Variants in GAPT observed in about 807,000 individuals in gnomAD.
GAPT encodes GRB2 binding adaptor protein, transmembrane.
For synonymous variants in GAPT, 82 were observed against 69.7 expected (o/e 1.18, Z -0.88); for missense variants, 206 against 189.2 (o/e 1.09, Z -0.52).
Position 58,495,024 on chromosome 5 carries a change from T to C in GAPT, c.*14T>C. The C allele has an allele frequency of 6.7e-7, 1 of 1,499,486 alleles. No individual in the cohort carries two copies. Among genetic ancestry groups the C allele is most frequent in the Non-Finnish European group, 9.2e-7 (1 of 1,092,042 alleles). The allele number at this position is 1,499,486 out of a possible 1,614,324, so 92.9% of individuals were successfully genotyped here. On this transcript the variant is annotated 3_prime_UTR_variant, in exon 3 of 3. Coordinates refer to ENST00000502276, the MANE Select transcript of GAPT (RefSeq NM_001304431.2). The stretch of plus-strand genomic sequence containing the variant: ...GATTCATATTAGCTTTTCAAAATAT[T>C]GACTTTTGTTATTGGATGATAAATA...
Position 58,491,780 on chromosome 5 carries a change from C to G in GAPT, c.-419+239C>G, listed in dbSNP as rs184482928. Among the ~76,000 whole-genome samples, 362 of 152,166 alleles carry G rather than the reference C, an allele frequency of 2.4e-3. 1 individual carries two copies. The highest frequency in any genetic ancestry group is 8.0e-3 in the African/African-American group (332 of 41,510). On this transcript the variant is annotated intron_variant, in intron 1 of 2. Coordinates refer to ENST00000502276, the MANE Select transcript of GAPT (RefSeq NM_001304431.2). ...CAGGGCATTCTCTTACTTGAAAATT[C>G]CTGAAGTTTCTCAACAATTTGCGAT...
At position 58,495,951 on chromosome 5, in the gene GAPT, A is replaced by G. The variant is rs1744436834; in HGVS notation, c.*941A>G. ...CCAGTGACTTCTCTTACTATCTCTC[A>G]TTTCTTTGCCTTCAGCAGAATCATC... On this transcript the variant is annotated 3_prime_UTR_variant, in exon 3 of 3. Coordinates refer to ENST00000502276, the MANE Select transcript of GAPT (RefSeq NM_001304431.2). 6.0e-6 allele frequency: 1 copy of G among 166,946 alleles called. No homozygotes were observed. Among genetic ancestry groups the G allele is most frequent in the South Asian group, 2.1e-4 (1 of 4,834 alleles). 10.3% of individuals were successfully genotyped at this position (166,946 alleles called of 1,614,324 possible).
At position 58,496,693 on chromosome 5, in the gene GAPT, T is replaced by A. The variant is rs555984990; in HGVS notation, c.*1683T>A. The A allele has an allele frequency of 1.2e-5, 2 of 167,222 alleles. No individual in the cohort carries two copies. Among genetic ancestry groups the A allele is most frequent in the African/African-American group, 4.8e-5 (2 of 41,580 alleles). The allele number at this position is 167,222 out of a possible 1,614,324, so 10.4% of individuals were successfully genotyped here. On this transcript the variant is annotated 3_prime_UTR_variant, in exon 3 of 3. Transcript: ENST00000502276. ...GCAGTAGGAGGCAACAGGGAATTGC[T>A]CCTGCCTATTCTTTCTGTTGCCCCC... is the stretch of plus-strand genomic sequence containing the variant.
chr5:58,494,816 G>C lies in GAPT; in HGVS notation c.280G>C (p.Glu94Gln), dbSNP rs1253037260. The part of the protein sequence containing the change: ...VRGNNTHDNY[E>Q]NVEAGPPKAK... ...GGGAAATAACACACACGACAACTATGAAAATGTGGAAGCAGGTCCTCCCAA... is the reference window on the plus strand; with the variant it reads ...GGGAAATAACACACACGACAACTATCAAAATGTGGAAGCAGGTCCTCCCAA... Residue 94 changes from glutamate (E) to glutamine (Q), a missense_variant, in exon 3 of 3, where the codon GAA becomes CAA. Physicochemically the swap from Glu to Gln is conservative, Grantham distance 29. Coordinates refer to ENST00000502276, the MANE Select transcript of GAPT (RefSeq NM_001304431.2). The C allele has an allele frequency of 2.5e-6, 4 of 1,613,898 alleles. No homozygotes were observed. Among genetic ancestry groups the C allele is most frequent in the Non-Finnish European group, 3.4e-6 (4 of 1,179,992 alleles).
intron 1 of GAPT, among the ~76,000 whole-genome samples, chr5:58,492,704 A>C (rs1025387868): frequency 3.3e-5 from 5 of 152,156 alleles, no homozygotes; most frequent in African/African-American, 1.2e-4. Flanking sequence ...ACCTTGGACA[A>C]ATTTATGAAC....
chr5:58,496,792 C>G lies in GAPT; in HGVS notation c.*1782C>G, dbSNP rs1170195309. The stretch of plus-strand genomic sequence containing the variant: ...CAGCTTTCTAGTTTCTTCCATCATT[C>G]CCAGGACCAGCTTCTCTGCAACCTG... On this transcript the variant is annotated 3_prime_UTR_variant, in exon 3 of 3. Transcript: ENST00000502276. The G allele has an allele frequency of 6.0e-6, 1 of 167,384 alleles. No individual in the cohort carries two copies. The highest frequency in any genetic ancestry group is 1.5e-5 in the Non-Finnish European group (1 of 68,358). The allele number at this position is 167,384 out of a possible 1,614,324, so 10.4% of individuals were successfully genotyped here.
At chr5:58,493,292 T>C (rs1744319667) in intron 1 of GAPT, among the ~76,000 whole-genome samples, 1 of 152,182 alleles carries the variant, frequency 6.6e-6, no homozygotes, top group African/African-American at 2.4e-5. Context: ...AGTAATAATG[T>C]TTTGTTGATA....
chr5:58,495,605 A>G lies in GAPT; in HGVS notation c.*595A>G, dbSNP rs1561229526. The G allele has an allele frequency of 6.1e-6, 1 of 164,074 alleles. No homozygotes were observed. Among genetic ancestry groups the G allele is most frequent in the Non-Finnish European group, 1.5e-5 (1 of 68,274 alleles). 10.2% of individuals were successfully genotyped at this position (164,074 alleles called of 1,614,324 possible). A position where few individuals can be genotyped will look rare whatever the true frequency, so the allele number is the denominator to read the frequency against. The stretch of plus-strand genomic sequence containing the variant: ...TAGATATCTTCTCCACCCTCCTTGC[A>G]CCAGACTAAATCTGTATTATGTGAT... On this transcript the variant is annotated 3_prime_UTR_variant, in exon 3 of 3. Coordinates refer to ENST00000502276, the MANE Select transcript of GAPT (RefSeq NM_001304431.2).
rs1235380231 is a variant in GAPT, at chr5:58,494,843, G to A, written c.307G>A (p.Ala103Thr). 3 of 1,613,852 alleles carry A rather than the reference G, an allele frequency of 1.9e-6. No individual in the cohort carries two copies. The highest frequency in any genetic ancestry group is 3.3e-5 in the Admixed American group (2 of 59,948). ...AAATGTGGAAGCAGGTCCTCCCAAAGCTAAAGGAAAAACCGATAAGGAACT... is the reference window on the plus strand; with the variant it reads ...AAATGTGGAAGCAGGTCCTCCCAAAACTAAAGGAAAAACCGATAAGGAACT... ...YENVEAGPPKAKGKTDKELYE... is the reference protein window; with the variant it reads ...YENVEAGPPKTKGKTDKELYE... Residue 103 changes from alanine to threonine, a missense_variant, in exon 3 of 3, where the codon GCT (alanine) becomes ACT (threonine). Ala to Thr is a moderately conservative substitution (Grantham distance 58). Coordinates refer to ENST00000502276, the MANE Select transcript of GAPT (RefSeq NM_001304431.2).
Position 58,495,311 on chromosome 5 carries a change from A to G in GAPT, c.*301A>G. The G allele has an allele frequency of 3.3e-6, 1 of 303,472 alleles. No individual in the cohort carries two copies. The highest frequency in any genetic ancestry group is 6.1e-6 in the Non-Finnish European group (1 of 163,038). The allele number at this position is 303,472 out of a possible 1,614,324, so 18.8% of individuals were successfully genotyped here. On this transcript the variant is annotated 3_prime_UTR_variant, in exon 3 of 3. Transcript: ENST00000502276. ...TTGAGGGAGGACAGTGGAAGGAGGG[A>G]GAGGTTCAGGGAAAAAAAAAATATC...
chr5:58,495,050 T>G lies in GAPT; in HGVS notation c.*40T>G. Reference sequence around the variant, plus strand: ...GACTTTTGTTATTGGATGATAAATATTCACTGTAATTTTTCAACAGCAAAG... The same window carrying G: ...GACTTTTGTTATTGGATGATAAATAGTCACTGTAATTTTTCAACAGCAAAG... On this transcript the variant is annotated 3_prime_UTR_variant, in exon 3 of 3. Coordinates refer to ENST00000502276, the MANE Select transcript of GAPT (RefSeq NM_001304431.2). 7.7e-7 allele frequency: 1 copy of G among 1,303,954 alleles called. No homozygotes were observed. Among genetic ancestry groups the G allele is most frequent in the Non-Finnish European group, 1.1e-6 (1 of 931,954 alleles). 80.8% of individuals were successfully genotyped at this position (1,303,954 alleles called of 1,614,324 possible).
At position 58,494,935 on chromosome 5, in the gene GAPT, T is replaced by C. The variant is rs1744399695; in HGVS notation, c.399T>C (p.Tyr133=). The change falls in exon 3 of 3, where the codon TAT becomes TAC. Residue 133 remains tyrosine, a synonymous_variant. Coordinates refer to ENST00000502276, the MANE Select transcript of GAPT (RefSeq NM_001304431.2). ...HIYGNETSSD[Y]YNFQKPRPSE... ...ATGGAAATGAGACATCTTCTGACTA[T>C]TATAACTTCCAGAAGCCTCGTCCTT... 12 of 1,613,846 alleles carry C rather than the reference T, an allele frequency of 7.4e-6. No homozygotes were observed. In the East Asian group the frequency reaches 2.7e-4, roughly 36 times the overall value.
rs747989654 is a variant in GAPT at position 58,494,531 on chromosome 5, AC to A, written c.-5del. On this transcript the variant is annotated 5_prime_UTR_variant, in exon 3 of 3. Transcript: ENST00000502276. Reference sequence around the variant, plus strand: ...CAAATCACTAAACAGCACTGTTTGTACAGAAATGTCGAAAAGCTGTGGAAAT... The same window carrying A: ...CAAATCACTAAACAGCACTGTTTGTAAGAAATGTCGAAAAGCTGTGGAAAT... The A allele has an allele frequency of 1.6e-5, 25 of 1,599,900 alleles. No individual in the cohort carries two copies. In the African/African-American group the frequency reaches 2.3e-4, roughly 15 times the overall value.
chr5:58,494,790 G>A lies in GAPT; in HGVS notation c.254G>A (p.Arg85Lys). 2 of 1,613,966 alleles carry A rather than the reference G, an allele frequency of 1.2e-6. No homozygotes were observed. The highest frequency in any genetic ancestry group is 1.7e-6 in the Non-Finnish European group (2 of 1,179,952). Residue 85 changes from arginine (R) to lysine (K), a missense_variant, in exon 3 of 3, where the codon AGG (arginine) becomes AAG (lysine). Transcript: ENST00000502276. ...ACCCAAGACCACAAATCTGCTGTCA[G>A]GGGAAATAACACACACGACAACTAT... ...VETQDHKSAV[R>K]GNNTHDNYEN...
At chr5:58,491,802 C>T (rs970058808) in intron 1 of GAPT, among the ~76,000 whole-genome samples, 1 of 152,074 alleles carries the variant, frequency 6.6e-6, no homozygotes, top group Non-Finnish European at 1.5e-5. Flanking sequence ...CAACAATTTG[C>T]GATTTTAAGA....
rs1218394181 is a variant in GAPT at position 58,491,544 on chromosome 5, A to T, written c.-419+3A>T. ...GAGCTTGACACACCAATCTTGAGGT[A>T]AGTAAGAACCTGATTTAAGGTATTT... On this transcript the variant is annotated splice_donor_region_variant and intron_variant, in intron 1 of 2. Coordinates refer to ENST00000502276, the MANE Select transcript of GAPT (RefSeq NM_001304431.2). 3 of 152,210 alleles carry T rather than the reference A, an allele frequency of 2.0e-5. No individual in the cohort carries two copies. The highest frequency in any genetic ancestry group is 7.2e-5 in the African/African-American group (3 of 41,456). 9.4% of individuals were successfully genotyped at this position (152,210 alleles called of 1,614,324 possible). A position where few individuals can be genotyped will look rare whatever the true frequency, so the allele number is the denominator to read the frequency against.
chr5:58,495,140 C>A lies in GAPT; in HGVS notation c.*130C>A. The A allele has an allele frequency of 1.6e-6, 1 of 615,850 alleles. No homozygotes were observed. 38.1% of individuals were successfully genotyped at this position (615,850 alleles called of 1,614,324 possible). A position where few individuals can be genotyped will look rare whatever the true frequency, so the allele number is the denominator to read the frequency against. ...ATAAAGAAAATGTGGTACACATACACCATAGAATATTATGCAGCCGTAAAA... is the reference window on the plus strand; with the variant it reads ...ATAAAGAAAATGTGGTACACATACAACATAGAATATTATGCAGCCGTAAAA... On this transcript the variant is annotated 3_prime_UTR_variant, in exon 3 of 3. Coordinates refer to ENST00000502276, the MANE Select transcript of GAPT (RefSeq NM_001304431.2).
chr5:58,494,982 A>C lies in GAPT; in HGVS notation c.446A>C (p.Asp149Ala). 3 of 1,607,724 alleles carry C rather than the reference A, an allele frequency of 1.9e-6. No individual in the cohort carries two copies. In the South Asian group the frequency reaches 3.3e-5, roughly 18 times the overall value. The change falls in exon 3 of 3, where the codon GAT becomes GCT. Residue 149 changes from aspartate (D) to alanine (A), a missense_variant. Asp to Ala is a moderately radical substitution (Grantham distance 126). Transcript: ENST00000502276. ...CCTTCTGAAGTTCCTCAAGATGAAG[A>C]TATATACATTCTTCCAGATTCATAT... ...PRPSEVPQDE[D>A]IYILPDSY
chr5:58,494,857 C>T lies in GAPT; in HGVS notation c.321C>T (p.Thr107=), dbSNP rs757468918. The change falls in exon 3 of 3, where the codon ACC becomes ACT. Residue 107 remains threonine, a synonymous_variant. Transcript: ENST00000502276. ...GTCCTCCCAAAGCTAAAGGAAAAACCGATAAGGAACTATATGAAAACACAG... is the reference window on the plus strand; with the variant it reads ...GTCCTCCCAAAGCTAAAGGAAAAACTGATAAGGAACTATATGAAAACACAG... ...EAGPPKAKGK[T]DKELYENTGQ... is the part of the protein sequence containing the mutation. The T allele has an allele frequency of 6.8e-6, 11 of 1,613,816 alleles. No individual in the cohort carries two copies. Among genetic ancestry groups the T allele is most frequent in the East Asian group, 2.2e-5 (1 of 44,874 alleles).
Sources: allele counts gnomAD v4.1 joint callset (sites outside exome capture counted in the v4.1 genomes callset), GRCh38; gene constraint gnomAD v4.1.1; transcripts MANE v1.5; gene names NCBI Gene and HGNC (gene_info 2026-07-23, HGNC 2026-07-21).